CUX1: variants seen among roughly 807,000 people sequenced by gnomAD.
The protein encoded by CUX1 is protein CASP.
Under a neutral mutation model 158.8 loss-of-function variants are expected in CUX1, and 31 were observed. That is an observed-to-expected ratio of 0.20 (90% CI 0.15 to 0.26). CUX1 has a LOEUF of 0.26. CUX1 is among the 10% of genes least tolerant of loss of function. The pLI is 1.00. For synonymous variants in CUX1, 879 were observed against 862.1 expected (o/e 1.02, Z -0.34); for missense variants, 1,589 against 2,014.6 (o/e 0.79, Z 4.04).
chr7:102,206,743 A>G (rs1266907308), intron 20 of CUX1, among the ~76,000 whole-genome samples: 2 of 152,088 alleles, frequency 1.3e-5, no homozygotes, highest in Non-Finnish European at 2.9e-5. Flanking sequence ...CTAAAGATAC[A>G]AAAAAATTAG....
intron 2 of CUX1, among the ~76,000 whole-genome samples, chr7:102,023,715 A>G (rs914294812): frequency 6.6e-6 from 1 of 152,210 alleles, no homozygotes; most frequent in Non-Finnish European, 1.5e-5. Context: ...GAATTTCTCA[A>G]ACTGCCAAAG....
chr7:101,821,549 C>T (rs2906723), intron 1 of CUX1, among the ~76,000 whole-genome samples: 133 of 151,092 alleles, frequency 8.8e-4, no homozygotes, highest in Non-Finnish European at 1.4e-3. Flanking sequence ...CGTGTTAGCC[C>T]GGATGGTCTC....
intron 6 of CUX1, among the ~76,000 whole-genome samples, chr7:102,108,534 C>T (rs1235844601): frequency 6.6e-6 from 1 of 151,978 alleles, no homozygotes; most frequent in Non-Finnish European, 1.5e-5. Context: ...GATAGGTTTT[C>T]TCCATGTTGC....
intron 1 of CUX1, among the ~76,000 whole-genome samples, chr7:101,826,748 G>C (rs1188463432): frequency 6.6e-6 from 1 of 152,042 alleles, no homozygotes; most frequent in African/African-American, 2.4e-5. Context: ...GGGAGACAGG[G>C]CTTTCCAGCA....
intron 15 of CUX1, 117 bp downstream of exon 15, chr7:102,197,422 G>A: frequency 7.9e-7 from 1 of 1,267,996 alleles, no homozygotes; most frequent in Non-Finnish European, 1.1e-6. Context: ...ATCACATCAG[G>A]TAAAGTTCTC....
At chr7:101,886,189 G>GGAC (rs1403901242) in intron 1 of CUX1, among the ~76,000 whole-genome samples, 1 of 152,036 alleles carries the variant, frequency 6.6e-6, no homozygotes, top group Non-Finnish European at 1.5e-5. Flanking sequence ...GCCTTCCATA[G>GGAC]GACTGCCTTT....
At chr7:101,979,130 T>C (rs1349481523) in intron 2 of CUX1, among the ~76,000 whole-genome samples, 2 of 152,156 alleles carry the variant, frequency 1.3e-5, no homozygotes, top group Admixed American at 1.3e-4. Flanking sequence ...AGTGCAGATG[T>C]AGGCTCTCGG....
chr7:101,866,609 G>A (rs1414077623), intron 1 of CUX1, among the ~76,000 whole-genome samples: 3 of 152,080 alleles, frequency 2.0e-5, no homozygotes, highest in Non-Finnish European at 4.4e-5. Context: ...TCCAGCCTGG[G>A]TGACAGAGCA....
At chr7:102,056,482 A>C (rs1280275065) in intron 3 of CUX1, among the ~76,000 whole-genome samples, 1 of 152,204 alleles carries the variant, frequency 6.6e-6, no homozygotes, top group Non-Finnish European at 1.5e-5. Flanking sequence ...TAGAAATGGA[A>C]TCATAAAGCC....
chr7:102,251,361 A>G lies in CUX1; in HGVS notation c.*2319A>G, dbSNP rs1801488590. On this transcript the variant is annotated 3_prime_UTR_variant, in exon 24 of 24. Coordinates refer to ENST00000292535, the MANE Select transcript of CUX1 (RefSeq NM_181552.4). ...TAAGATGTGAAACCACGTTTCTTGCATGATGTTTTAGAGATTATTTCATTT... is the reference window on the plus strand; with the variant it reads ...TAAGATGTGAAACCACGTTTCTTGCGTGATGTTTTAGAGATTATTTCATTT... The G allele has an allele frequency of 1.0e-6, 1 of 985,190 alleles. No individual in the cohort carries two copies. Among genetic ancestry groups the G allele is most frequent in the Non-Finnish European group, 1.2e-6 (1 of 829,932 alleles). The allele number at this position is 985,190 out of a possible 1,614,324, so 61.0% of individuals were successfully genotyped here.
chr7:101,936,235 T>TGGGAGGAGGGAGGA (rs760308179), intron 2 of CUX1, among the ~76,000 whole-genome samples: 2 of 65,068 alleles, frequency 3.1e-5, no homozygotes, highest in African/African-American at 6.1e-5. Context: ...CTGAGAAGGA[T>TGGGAGGAGGGAGGA]GGGAGGAGGG....
In CUX1 at chr7:102,083,948, C is replaced by T. The variant is rs538526015; in HGVS notation, c.269-13416C>T. ...TCACCAAGGCTGGAGTAAAGTGACG[C>T]GATCTCAGCTCAGTGCAACCACCGC... On this transcript the variant is annotated intron_variant, in intron 4 of 23. Transcript: ENST00000292535. 2.9e-4 allele frequency among the ~76,000 whole-genome samples: 43 copies of T among 146,342 alleles called. 3 individuals carry two copies. Among genetic ancestry groups the T allele is most frequent in the Non-Finnish European group, 5.7e-4 (37 of 64,926 alleles).
At chr7:102,026,717 G>A (rs137953565) in intron 2 of CUX1, among the ~76,000 whole-genome samples, 4,267 of 151,586 alleles carry the variant, frequency 0.028, 87 homozygotes, top group Non-Finnish European at 0.034. Context: ...CTACTCAGGA[G>A]GTTGAGGCAG....
chr7:101,887,524 G>A (rs1800355447), intron 1 of CUX1, among the ~76,000 whole-genome samples: 1 of 151,988 alleles, frequency 6.6e-6, no homozygotes, highest in South Asian at 2.1e-4. Context: ...GCCCAGGCTG[G>A]TCTTGAACTC....
chr7:101,913,679 C>T (rs1803782122), intron 1 of CUX1, among the ~76,000 whole-genome samples: 1 of 152,110 alleles, frequency 6.6e-6, no homozygotes, highest in African/African-American at 2.4e-5. Context: ...TCAAAGACAT[C>T]GGTAGATGCC....
intron 2 of CUX1, among the ~76,000 whole-genome samples, chr7:101,996,677 C>T (rs1815949428): frequency 7.7e-6 from 1 of 130,094 alleles, no homozygotes; most frequent in Admixed American, 8.5e-5. Context: ...ATCCATCCTT[C>T]CCTCGTTTCC....
At chr7:102,039,650 GTC>G (rs1027325107) in intron 3 of CUX1, among the ~76,000 whole-genome samples, 1 of 140,168 alleles carries the variant, frequency 7.1e-6, no homozygotes, top group African/African-American at 2.7e-5. Flanking sequence ...GCGAGACCCT[GTC>G]TCTATTTCAA....
chr7:102,106,114 G>A (rs1554488364), intron 6 of CUX1, among the ~76,000 whole-genome samples: 3 of 109,656 alleles, frequency 2.7e-5, no homozygotes, highest in Non-Finnish European at 3.4e-5. Flanking sequence ...TTGAGATGGA[G>A]TCTCACTCTG....
At chr7:102,223,795 C>T (rs936042910) in intron 20 of CUX1, among the ~76,000 whole-genome samples, 19 of 152,050 alleles carry the variant, frequency 1.2e-4, no homozygotes, top group African/African-American at 4.3e-4. Flanking sequence ...ATTGTGAAAC[C>T]CCATCTCTAC....
Sources: gnomAD v4.1 joint callset for allele counts (sites outside exome capture counted in the v4.1 genomes callset) on GRCh38, gnomAD v4.1.1 for gene constraint, MANE v1.5 for transcripts, NCBI Gene and HGNC (gene_info 2026-07-23, HGNC 2026-07-21) for gene names.